The following CNTNAP2 variants were observed in gnomAD, a reference collection of about 807,000 sequenced individuals.
The protein encoded by CNTNAP2 is contactin-associated protein-like 2.
A neutral mutation model predicts 155.2 loss-of-function variants in CNTNAP2; 98 were observed. The ratio of observed to expected loss-of-function variants is 0.63; its 90% confidence interval spans 0.54 to 0.75. The LOEUF is 0.75. Ranked by LOEUF, CNTNAP2 falls within the 30% of genes least tolerant of loss-of-function variation. The pLI, the probability that CNTNAP2 is intolerant of heterozygous loss-of-function variation, is 0.00. For synonymous variants in CNTNAP2, 651 were observed against 631.2 expected, an observed-to-expected ratio of 1.03 and a Z score of -0.47; for missense variants, 1,727 against 1,688.1, an observed-to-expected ratio of 1.02 and a Z score of -0.40.
intron 13 of CNTNAP2, among the ~76,000 whole-genome samples, chr7:147,669,118 G>A (rs930058418): frequency 6.6e-6 from 1 of 152,176 alleles, no homozygotes; most frequent in South Asian, 2.1e-4. Context: ...TAGCCTAGCT[G>A]TGTAGCAGGA....
chr7:146,543,351 A>T (rs1377041962), intron 1 of CNTNAP2, among the ~76,000 whole-genome samples: 1 of 151,916 alleles, frequency 6.6e-6, no homozygotes, highest in African/African-American at 2.4e-5. Flanking sequence ...AGTGACTTTG[A>T]CATACATAAA....
chr7:146,624,184 G>A (rs766009503), intron 1 of CNTNAP2, among the ~76,000 whole-genome samples: 24 of 151,712 alleles, frequency 1.6e-4, no homozygotes, highest in Non-Finnish European at 2.7e-4. Context: ...AATATGTCTT[G>A]CAAATATTTT....
At chr7:146,803,857 T>C (rs1802923060) in intron 2 of CNTNAP2, among the ~76,000 whole-genome samples, 1 of 152,212 alleles carries the variant, frequency 6.6e-6, no homozygotes, top group Non-Finnish European at 1.5e-5. Flanking sequence ...GAAAGCAGTT[T>C]AAAGCTTTTG....
intron 1 of CNTNAP2, among the ~76,000 whole-genome samples, chr7:146,585,751 G>GAAAGAAAGAAAGAAA (rs1491504474): frequency 2.5e-4 from 36 of 146,120 alleles, no homozygotes; most frequent in African/African-American, 8.4e-4. Flanking sequence ...AAAGAAAGAA[G>GAAAGAAAGAAAGAAA]GAAAGAAAGA....
At chr7:147,185,030 G>C (rs751806474) in intron 8 of CNTNAP2, among the ~76,000 whole-genome samples, 1 of 151,980 alleles carries the variant, frequency 6.6e-6, no homozygotes, top group Non-Finnish European at 1.5e-5. Context: ...ACTTAAATGG[G>C]CAAAAATACC....
At chr7:147,610,707 G>T (rs770538219) in intron 12 of CNTNAP2, among the ~76,000 whole-genome samples, 1 of 152,060 alleles carries the variant, frequency 6.6e-6, no homozygotes, top group African/African-American at 2.4e-5. Flanking sequence ...CCAGGCAAAC[G>T]TCCTAAAACA....
intron 21 of CNTNAP2, among the ~76,000 whole-genome samples, chr7:148,361,942 C>T (rs1339385955): frequency 6.6e-6 from 1 of 152,008 alleles, no homozygotes; most frequent in Non-Finnish European, 1.5e-5. Flanking sequence ...CCTGTAATCC[C>T]AGCACGCCTG....
At chr7:148,300,892 T>C (rs1201045940) in intron 21 of CNTNAP2, among the ~76,000 whole-genome samples, 1 of 151,792 alleles carries the variant, frequency 6.6e-6, no homozygotes, top group East Asian at 1.9e-4. Flanking sequence ...TGTTGTTTAA[T>C]GGGTATAGAG....
At chr7:146,194,989 ATGTT>A (rs978788497) in intron 1 of CNTNAP2, 1 of 152,202 alleles carries the variant, frequency 6.6e-6, no homozygotes, top group African/African-American at 2.4e-5. Context: ...TAATCTGTGA[ATGTT>A]TGTTTCTGAA....
chr7:147,691,400 C>T (rs531592349), intron 13 of CNTNAP2, among the ~76,000 whole-genome samples: 1 of 152,212 alleles, frequency 6.6e-6, no homozygotes, highest in African/African-American at 2.4e-5. Flanking sequence ...TTATTTAAAG[C>T]TTCCAGCCTA....
At chr7:147,950,976 G>A (rs2710086) in intron 14 of CNTNAP2, among the ~76,000 whole-genome samples, 35,194 of 152,168 alleles carry the variant, frequency 0.23, 4,479 homozygotes, top group Middle Eastern at 0.32. Context: ...TTCACAAGGT[G>A]CTCCTCTTCA....
intron 1 of CNTNAP2, among the ~76,000 whole-genome samples, chr7:146,262,479 A>G (rs1799932845): frequency 6.6e-6 from 1 of 152,222 alleles, no homozygotes; most frequent in Non-Finnish European, 1.5e-5. Flanking sequence ...TTTAAGATAC[A>G]GAAAGAAATA....
intron 3 of CNTNAP2, among the ~76,000 whole-genome samples, chr7:146,931,692 A>T (rs1190964740): frequency 6.7e-6 from 1 of 149,386 alleles, no homozygotes. Flanking sequence ...ACCGCTAGCA[A>T]GACTAATAAA....
intron 8 of CNTNAP2, among the ~76,000 whole-genome samples, chr7:147,179,282 G>C (rs1443274713): frequency 6.6e-6 from 1 of 152,142 alleles, no homozygotes; most frequent in Non-Finnish European, 1.5e-5. Context: ...GGATATTGTG[G>C]TATATGCGAT....
intron 3 of CNTNAP2, among the ~76,000 whole-genome samples, chr7:146,879,886 T>G (rs1297313486): frequency 6.6e-6 from 1 of 152,090 alleles, no homozygotes; most frequent in Non-Finnish European, 1.5e-5. Flanking sequence ...TCCACGTGGC[T>G]GGGGAGGCCT....
At chr7:147,608,299 T>A (rs2116872410) in intron 12 of CNTNAP2, among the ~76,000 whole-genome samples, 1 of 152,198 alleles carries the variant, frequency 6.6e-6, no homozygotes, top group Admixed American at 6.5e-5. Flanking sequence ...TGCAGTTTAG[T>A]ATCTTATAAA....
At chr7:147,578,953 A>G in intron 12 of CNTNAP2, among the ~76,000 whole-genome samples, 2 of 152,202 alleles carry the variant, frequency 1.3e-5, no homozygotes, top group Middle Eastern at 6.8e-3. Context: ...TAAAATATTG[A>G]ATATCTTTAA....
intron 15 of CNTNAP2, among the ~76,000 whole-genome samples, chr7:148,032,262 A>G (rs528959282): frequency 2.6e-5 from 4 of 152,276 alleles, no homozygotes; most frequent in African/African-American, 7.2e-5. Context: ...GATCTTTGTG[A>G]TATCTACAGG....
At chr7:147,832,289 ATGT>A (rs1253538520) in intron 13 of CNTNAP2, among the ~76,000 whole-genome samples, 1 of 144,756 alleles carries the variant, frequency 6.9e-6, no homozygotes, top group African/African-American at 2.5e-5. Context: ...ATTTAATTGT[ATGT>A]TTTTATATAT....
Sources: allele counts gnomAD v4.1 joint callset (sites outside exome capture counted in the v4.1 genomes callset), GRCh38; gene constraint gnomAD v4.1.1; transcripts MANE v1.5; gene names NCBI Gene and HGNC (gene_info 2026-07-23, HGNC 2026-07-21).